Variants in SPHKAP observed in about 807,000 individuals in gnomAD.
SPHKAP encodes the protein SPHK1 interactor, AKAP domain containing.
SPHKAP carries 67 observed loss-of-function variants against 137.5 expected under a neutral mutation model. The ratio of observed to expected loss-of-function variants is 0.49; its 90% confidence interval spans 0.40 to 0.60. The LOEUF (loss-of-function observed/expected upper bound fraction) is 0.60, where lower values mean the gene tolerates loss of function less well. Among genes scored for constraint, SPHKAP ranks in the 20% least tolerant of loss-of-function variants. SPHKAP has a pLI of 0.00. For synonymous variants in SPHKAP, 813 were observed against 785.3 expected (o/e 1.04, Z -0.59); for missense variants, 2,097 against 2,069.3 (o/e 1.01, Z -0.26).
chr2:228,009,483 G>T (rs896537860), intron 7 of SPHKAP, among the ~76,000 whole-genome samples: 9 of 152,012 alleles, frequency 5.9e-5, no homozygotes, highest in Non-Finnish European at 1.0e-4. Flanking sequence ...TATCATGTTT[G>T]TTTCCCTTCG....
intron 7 of SPHKAP, among the ~76,000 whole-genome samples, chr2:228,010,687 C>A (rs1047668669): frequency 6.6e-6 from 1 of 152,056 alleles, no homozygotes; most frequent in Non-Finnish European, 1.5e-5. Context: ...ATACGTTTTT[C>A]TATCTAGTGG....
intron 3 of SPHKAP, among the ~76,000 whole-genome samples, chr2:228,049,359 GC>G: frequency 6.6e-6 from 1 of 152,082 alleles, no homozygotes; most frequent in East Asian, 1.9e-4. Context: ...TCTGCCTTCT[GC>G]CCCACATTTT....
At chr2:228,000,511 G>A (rs531226682) in intron 7 of SPHKAP, among the ~76,000 whole-genome samples, 5 of 152,062 alleles carry the variant, frequency 3.3e-5, no homozygotes, top group Admixed American at 2.0e-4. Flanking sequence ...CCAGCTACTC[G>A]GGAGGCTGAG....
At chr2:228,113,987 G>A (rs1464757506) in intron 2 of SPHKAP, among the ~76,000 whole-genome samples, 1 of 152,134 alleles carries the variant, frequency 6.6e-6, no homozygotes, top group Non-Finnish European at 1.5e-5. Flanking sequence ...ATTAGGAAAA[G>A]AAGAATGCTT....
intron 1 of SPHKAP, among the ~76,000 whole-genome samples, chr2:228,165,841 C>T (rs1487126557): frequency 6.6e-6 from 1 of 152,206 alleles, no homozygotes; most frequent in Non-Finnish European, 1.5e-5. Context: ...CCTTGAATGT[C>T]TCTCTGTCCA....
chr2:228,067,081 T>C (rs928578747), intron 3 of SPHKAP, among the ~76,000 whole-genome samples: 1 of 152,218 alleles, frequency 6.6e-6, no homozygotes, highest in East Asian at 1.9e-4. Flanking sequence ...GAATATATGT[T>C]GAAAGACTCA....
intron 1 of SPHKAP, among the ~76,000 whole-genome samples, chr2:228,166,031 G>A (rs1389416002): frequency 9.2e-5 from 14 of 152,182 alleles, no homozygotes; most frequent in Admixed American, 9.2e-4. Context: ...CACCAAATGA[G>A]TCTGGCAGAG....
At chr2:228,090,074 C>T (rs114693324) in intron 3 of SPHKAP, among the ~76,000 whole-genome samples, 16 of 152,286 alleles carry the variant, frequency 1.1e-4, no homozygotes, top group South Asian at 2.1e-4. Flanking sequence ...ATGGTAGAGT[C>T]GCCAGCGTCT....
At chr2:228,010,317 A>T (rs545347428) in intron 7 of SPHKAP, among the ~76,000 whole-genome samples, 1 of 152,180 alleles carries the variant, frequency 6.6e-6, no homozygotes, top group Non-Finnish European at 1.5e-5. Context: ...ACCTGAGGTC[A>T]GGAGTTCAAG....
intron 3 of SPHKAP, among the ~76,000 whole-genome samples, chr2:228,061,917 A>G (rs1696650481): frequency 6.6e-6 from 1 of 152,198 alleles, no homozygotes; most frequent in South Asian, 2.1e-4. Flanking sequence ...GAGATAAGGA[A>G]TATCACCCTA....
chr2:228,040,642 G>T (rs1322951457), intron 3 of SPHKAP, among the ~76,000 whole-genome samples: 2 of 152,056 alleles, frequency 1.3e-5, no homozygotes, highest in Admixed American at 6.6e-5. Context: ...CAAGCAGTTT[G>T]TGATAAGAGA....
intron 3 of SPHKAP, among the ~76,000 whole-genome samples, chr2:228,075,729 A>G (rs1697159249): frequency 6.6e-6 from 1 of 152,212 alleles, no homozygotes; most frequent in East Asian, 1.9e-4. Context: ...GCTGCAAAAC[A>G]TGTAATTTCT....
chr2:228,077,919 A>G (rs1697235983), intron 3 of SPHKAP, among the ~76,000 whole-genome samples: 1 of 152,158 alleles, frequency 6.6e-6, no homozygotes, highest in South Asian at 2.1e-4. Context: ...AGGTGATTGA[A>G]TTATGGGAGC....
intron 1 of SPHKAP, among the ~76,000 whole-genome samples, chr2:228,133,026 G>T (rs113625739): frequency 0.34 from 51,698 of 151,308 alleles, 9,054 homozygotes; most frequent in East Asian, 0.5. Flanking sequence ...AACAAAAAAG[G>T]CCGGGCATGG....
At chr2:228,069,104 T>C (rs1356798339) in intron 3 of SPHKAP, among the ~76,000 whole-genome samples, 1 of 152,086 alleles carries the variant, frequency 6.6e-6, no homozygotes, top group African/African-American at 2.4e-5. Flanking sequence ...CCGTCTCTAC[T>C]AAAAATACAA....
intron 7 of SPHKAP, among the ~76,000 whole-genome samples, chr2:228,009,303 T>A (rs1403513994): frequency 3.3e-5 from 5 of 152,198 alleles, no homozygotes; most frequent in African/African-American, 1.2e-4. Context: ...AATTTCTTTA[T>A]GATTTGCTTT....
At chr2:228,153,707 A>G (rs917641658) in intron 1 of SPHKAP, among the ~76,000 whole-genome samples, 1 of 152,132 alleles carries the variant, frequency 6.6e-6, no homozygotes, top group Non-Finnish European at 1.5e-5. Flanking sequence ...CAACTTTTCA[A>G]TACTTTTAAA....
At chr2:228,099,781 G>T (rs916892629) in intron 3 of SPHKAP, among the ~76,000 whole-genome samples, 3 of 151,116 alleles carry the variant, frequency 2.0e-5, no homozygotes, top group South Asian at 4.2e-4. Flanking sequence ...GTGTGTGTTT[G>T]TGTGTGTGTG....
intron 3 of SPHKAP, among the ~76,000 whole-genome samples, chr2:228,039,158 C>T (rs1032282404): frequency 5.3e-5 from 8 of 152,166 alleles, no homozygotes; most frequent in Non-Finnish European, 1.2e-4. Flanking sequence ...TTACTGAGAC[C>T]ATCTGCAGAC....
Sources: allele counts gnomAD v4.1 joint callset (sites outside exome capture counted in the v4.1 genomes callset), GRCh38; gene constraint gnomAD v4.1.1; transcripts MANE v1.5; gene names NCBI Gene and HGNC (gene_info 2026-07-23, HGNC 2026-07-21).